The following TRPC5 variants were observed in gnomAD, a reference collection of about 807,000 sequenced individuals.
The protein encoded by TRPC5 is transient receptor potential cation channel subfamily C member 5, also known as short transient receptor potential channel 5.
In TRPC5, 9 loss-of-function variants were observed where a neutral mutation model predicts 56.5. That is an observed-to-expected ratio of 0.16 (90% CI 0.10 to 0.28). The LOEUF is 0.28. TRPC5 is among the 10% of genes least tolerant of loss of function. TRPC5 has a pLI of 1.00. For synonymous variants in TRPC5, 282 were observed against 278.5 expected, an observed-to-expected ratio of 1.01 and a Z score of -0.13; for missense variants, 469 against 748.9, an observed-to-expected ratio of 0.63 and a Z score of 4.36.
intron 1 of TRPC5, among the ~76,000 whole-genome samples, chrX:111,970,713 G>A (rs1355111128): frequency 2.7e-5 from 3 of 110,412 alleles, no homozygotes; most frequent in Non-Finnish European, 3.8e-5. Flanking sequence ...ATTAGGAGAC[G>A]TGGATTGTAG....
intron 1 of TRPC5, among the ~76,000 whole-genome samples, chrX:111,967,899 G>A (rs987912762): frequency 9.0e-6 from 1 of 111,352 alleles, no homozygotes; most frequent in East Asian, 2.8e-4. Context: ...ATACCATTCA[G>A]GACATAGGCA....
At chrX:111,969,219 C>G (rs938767830) in intron 1 of TRPC5, among the ~76,000 whole-genome samples, 1 of 110,607 alleles carries the variant, frequency 9.0e-6, no homozygotes, top group Non-Finnish European at 1.9e-5. Context: ...TTTAGCAATA[C>G]AGTATTTTAA....
At chrX:112,069,944 G>A (rs1307663629) in intron 1 of TRPC5, among the ~76,000 whole-genome samples, 1 of 111,992 alleles carries the variant, frequency 8.9e-6, no homozygotes, top group East Asian at 2.8e-4. Flanking sequence ...TCCTTCAGCA[G>A]TATCATTCTC....
intron 2 of TRPC5, among the ~76,000 whole-genome samples, chrX:111,914,600 G>C (rs1488371181): frequency 1.8e-5 from 2 of 112,233 alleles, no homozygotes; most frequent in Non-Finnish European, 3.8e-5. Context: ...ATAGTTGAAA[G>C]ATGACTGCAT....
chrX:111,833,431 CT>C (rs1391680445), intron 7 of TRPC5, among the ~76,000 whole-genome samples: 2 of 111,334 alleles, frequency 1.8e-5, no homozygotes, highest in Middle Eastern at 4.6e-3. Flanking sequence ...AACTTCAAAT[CT>C]TTTTTTCCAC....
intron 7 of TRPC5, among the ~76,000 whole-genome samples, chrX:111,827,223 A>C (rs1484059440): frequency 9.0e-6 from 1 of 111,322 alleles, no homozygotes; most frequent in South Asian, 3.8e-4. Flanking sequence ...TCCAGCCTCT[A>C]AATATTGGAG....
chrX:112,014,470 G>C (rs974568629), intron 1 of TRPC5, among the ~76,000 whole-genome samples: 2 of 112,039 alleles, frequency 1.8e-5, no homozygotes, highest in Admixed American at 9.5e-5. Flanking sequence ...TTTTTTGTTC[G>C]TTTATTCCTT....
chrX:111,800,961 G>T (rs1921289463), intron 7 of TRPC5, among the ~76,000 whole-genome samples: 1 of 110,807 alleles, frequency 9.0e-6, no homozygotes, highest in South Asian at 3.8e-4. Context: ...TATTCACAGA[G>T]TTCAGCATCC....
chrX:112,042,755 A>G (rs188073887), intron 1 of TRPC5, among the ~76,000 whole-genome samples: 95 of 110,701 alleles, frequency 8.6e-4, no homozygotes, highest in African/African-American at 3.0e-3. Context: ...AGTATTATAA[A>G]CTGATCATAT....
chrX:111,989,992 C>T (rs1928311622), intron 1 of TRPC5, among the ~76,000 whole-genome samples: 1 of 112,436 alleles, frequency 8.9e-6, no homozygotes, highest in Non-Finnish European at 1.9e-5. Flanking sequence ...AAGTTGCCAG[C>T]TTTATCTGTA....
rs1386777668 is a variant in TRPC5, at chrX:112,067,643, A to G, written c.-22+14236T>C. ...CTCAGAAGAGCCTTGCCCTCTGCCAACTGCCCACCTCCACTGCTCTCAGAT... is the reference window on the plus strand; with the variant it reads ...CTCAGAAGAGCCTTGCCCTCTGCCAGCTGCCCACCTCCACTGCTCTCAGAT... On this transcript the variant is annotated intron_variant, in intron 1 of 10. Coordinates refer to ENST00000262839, the MANE Select transcript of TRPC5 (RefSeq NM_012471.3). 4.5e-5 allele frequency among the ~76,000 whole-genome samples: 5 copies of G among 111,810 alleles called. No individual in the cohort carries two copies. The Admixed American group carries it at 4.7e-4, about 11-fold the overall frequency.
At chrX:111,949,581 CAT>C (rs1157026638) in intron 2 of TRPC5, among the ~76,000 whole-genome samples, 4 of 112,010 alleles carry the variant, frequency 3.6e-5, no homozygotes, top group Admixed American at 9.5e-5. Flanking sequence ...GGCCAACAAA[CAT>C]ATGAAAAAAT....
chrX:111,842,327 G>A (rs1170216781), intron 6 of TRPC5, among the ~76,000 whole-genome samples: 5 of 106,779 alleles, frequency 4.7e-5, no homozygotes, highest in South Asian at 4.1e-4. Context: ...TAGTAGAGAC[G>A]GGGTTTCCTC....
intron 1 of TRPC5, among the ~76,000 whole-genome samples, chrX:112,076,965 T>C (rs755412797): frequency 1.1e-4 from 12 of 112,629 alleles, no homozygotes; most frequent in African/African-American, 3.9e-4. Context: ...ATCTAGTGGT[T>C]GGTTTTCTAC....
intron 7 of TRPC5, among the ~76,000 whole-genome samples, chrX:111,826,656 A>G (rs1236617937): frequency 2.7e-5 from 3 of 112,768 alleles, no homozygotes; most frequent in Admixed American, 9.4e-5. Flanking sequence ...AATAGAGATT[A>G]TACTATTCCT....
intron 1 of TRPC5, among the ~76,000 whole-genome samples, chrX:111,966,933 C>CT (rs752950190): frequency 0.2 from 21,920 of 110,411 alleles, 2,208 homozygotes; most frequent in African/African-American, 0.38. Flanking sequence ...ACAGGGATGC[C>CT]TCTCTCACCA....
chrX:111,917,493 T>C (rs1926009740), intron 2 of TRPC5, among the ~76,000 whole-genome samples: 1 of 112,420 alleles, frequency 8.9e-6, no homozygotes, highest in African/African-American at 3.2e-5. Flanking sequence ...AACAGTAGTG[T>C]CACTAATTGA....
At chrX:111,990,403 G>C (rs1928323320) in intron 1 of TRPC5, among the ~76,000 whole-genome samples, 1 of 111,314 alleles carries the variant, frequency 9.0e-6, no homozygotes, top group Non-Finnish European at 1.9e-5. Flanking sequence ...GGATGACAGA[G>C]TGAGACTCCA....
intron 7 of TRPC5, among the ~76,000 whole-genome samples, chrX:111,806,750 C>T: frequency 9.0e-6 from 1 of 111,644 alleles, no homozygotes; most frequent in Middle Eastern, 4.6e-3. Flanking sequence ...ATATCCATCA[C>T]CTCAAACAGT....
Sources: gnomAD v4.1 joint callset for allele counts (sites outside exome capture counted in the v4.1 genomes callset) on GRCh38, gnomAD v4.1.1 for gene constraint, MANE v1.5 for transcripts, NCBI Gene and HGNC (gene_info 2026-07-23, HGNC 2026-07-21) for gene names.